The following CNOT6 variants were observed in gnomAD, a reference collection of about 807,000 sequenced individuals.
The protein encoded by CNOT6 is carbon catabolite repression 4 protein.
A neutral mutation model predicts 61.2 loss-of-function variants in CNOT6; 12 were observed. The observed-to-expected ratio is 0.20, with a 90% confidence interval of 0.13 to 0.32. The LOEUF (loss-of-function observed/expected upper bound fraction) is 0.32. Ranked by LOEUF, CNOT6 falls within the 10% of genes least tolerant of loss-of-function variation. The pLI, the probability that CNOT6 is intolerant of heterozygous loss-of-function variation, is 1.00. For missense variants in CNOT6, 405 were observed against 663.9 expected (o/e 0.61, Z 4.28); for synonymous variants, 225 against 240.6 (o/e 0.94, Z 0.60).
chr5:180,522,252 C>T (rs1458077924), intron 1 of CNOT6, among the ~76,000 whole-genome samples: 1 of 152,058 alleles, frequency 6.6e-6, no homozygotes, highest in African/African-American at 2.4e-5. Flanking sequence ...GCTGGGACCA[C>T]AGGTACATGC....
intron 9 of CNOT6, 77 bp downstream of exon 9, chr5:180,568,080 A>T (rs1760553022): frequency 1.0e-5 from 15 of 1,436,564 alleles, no homozygotes; most frequent in Non-Finnish European, 1.4e-5. Context: ...CAGAAATTTC[A>T]TTGTGTATTC....
Position 180,570,155 on chromosome 5 carries a change from C to T in CNOT6, c.1258+815C>T, listed in dbSNP as rs143596905. 2.2e-3 allele frequency among the ~76,000 whole-genome samples: 329 copies of T among 152,174 alleles called. 1 individual carries two copies. The Middle Eastern group carries it at 0.027, about 13-fold the overall frequency. On this transcript the variant is annotated intron_variant, in intron 10 of 11. Transcript: ENST00000261951. The stretch of plus-strand genomic sequence containing the variant: ...GGCAGATCAGTTGAGGCCAGCAGTT[C>T]GAGACCAACCTGGCCAACATGGTGA...
chr5:180,550,449 C>CA (rs952257091), intron 3 of CNOT6, among the ~76,000 whole-genome samples: 283 of 150,704 alleles, frequency 1.9e-3, no homozygotes, highest in African/African-American at 5.7e-3. Flanking sequence ...GAGTCCATCT[C>CA]AAAAAAAACA....
At chr5:180,542,982 A>T (rs757725864) in intron 2 of CNOT6, among the ~76,000 whole-genome samples, 1 of 152,208 alleles carries the variant, frequency 6.6e-6, no homozygotes, top group African/African-American at 2.4e-5. Flanking sequence ...TGGTAGAGAT[A>T]TATCTTTCTC....
intron 2 of CNOT6, among the ~76,000 whole-genome samples, chr5:180,539,502 A>G (rs1045273590): frequency 5.5e-5 from 8 of 144,360 alleles, no homozygotes; most frequent in Non-Finnish European, 1.2e-4. Flanking sequence ...TTTTATAGCA[A>G]CTTATTAAAA....
chr5:180,518,826 G>A (rs1042602947), intron 1 of CNOT6, among the ~76,000 whole-genome samples: 7 of 152,236 alleles, frequency 4.6e-5, no homozygotes, highest in Admixed American at 2.0e-4. Context: ...ATTTATAAAC[G>A]CGCTCTTTCT....
At chr5:180,552,460 T>C (rs1581546400) in intron 3 of CNOT6, among the ~76,000 whole-genome samples, 1 of 151,012 alleles carries the variant, frequency 6.6e-6, no homozygotes, top group Admixed American at 6.6e-5. Context: ...GCTAACACGG[T>C]GAAACCCCGT....
At chr5:180,526,420 A>G (rs966483565) in intron 1 of CNOT6, among the ~76,000 whole-genome samples, 8 of 152,194 alleles carry the variant, frequency 5.3e-5, no homozygotes, top group Admixed American at 1.3e-4. Context: ...CAAATGGCTT[A>G]CGTGCTAAGG....
chr5:180,508,414 C>T (rs777678301), intron 1 of CNOT6, among the ~76,000 whole-genome samples: 33 of 152,114 alleles, frequency 2.2e-4, no homozygotes, highest in Non-Finnish European at 4.1e-4. Flanking sequence ...TGGGCTCAAG[C>T]GATTCACCTG....
chr5:180,553,325 T>G, intron 3 of CNOT6, 61 bp from the exon 4 acceptor site: 1 of 1,156,190 alleles, frequency 8.6e-7, no homozygotes, highest in African/African-American at 1.5e-5. Context: ...ACTATGTTGT[T>G]GATTTTAACT....
chr5:180,501,596 T>A (rs1278228930), intron 1 of CNOT6, among the ~76,000 whole-genome samples: 3 of 152,202 alleles, frequency 2.0e-5, no homozygotes, highest in African/African-American at 7.2e-5. Flanking sequence ...TTCACCCTTT[T>A]GACAGAGGTA....
intron 1 of CNOT6, among the ~76,000 whole-genome samples, chr5:180,497,080 C>T (rs1387531362): frequency 6.6e-6 from 1 of 152,178 alleles, no homozygotes; most frequent in Non-Finnish European, 1.5e-5. Flanking sequence ...GTAATCCCAG[C>T]ACTTTCGGAG....
chr5:180,571,805 C>T (rs34916144), intron 11 of CNOT6, among the ~76,000 whole-genome samples: 25,434 of 152,120 alleles, frequency 0.17, 2,235 homozygotes, highest in Non-Finnish European at 0.19. Flanking sequence ...TCAAATGATT[C>T]TTCCACCTCA....
intron 2 of CNOT6, among the ~76,000 whole-genome samples, chr5:180,530,697 A>G: frequency 6.6e-6 from 1 of 152,008 alleles, no homozygotes; most frequent in South Asian, 2.1e-4. Context: ...TGGTTTTCCT[A>G]GGCAGAGGAC....
intron 1 of CNOT6, among the ~76,000 whole-genome samples, chr5:180,501,758 A>G (rs1198221890): frequency 6.6e-6 from 1 of 152,202 alleles, no homozygotes; most frequent in African/African-American, 2.4e-5. Context: ...GACAGCATTG[A>G]AATGGTTGAA....
chr5:180,525,828 C>T (rs11750412), intron 1 of CNOT6, among the ~76,000 whole-genome samples: 70,921 of 151,762 alleles, frequency 0.47, 17,576 homozygotes, highest in Non-Finnish European at 0.56. Flanking sequence ...TAGGCGGGGG[C>T]GATCATCTAT....
chr5:180,512,475 A>G (rs1333445670), intron 1 of CNOT6, among the ~76,000 whole-genome samples: 10 of 152,260 alleles, frequency 6.6e-5, no homozygotes, highest in Admixed American at 6.5e-4. Context: ...CGGAGTTTGA[A>G]TTCTTCTCAG....
rs564430533 is a variant in CNOT6, at chr5:180,538,909, C to T, written c.112+9521C>T. ...AAAAAAAATTGTCTGGGTACGGTAGCTTACGCCTATAATCCCAACACTTTG... is the reference window on the plus strand; with the variant it reads ...AAAAAAAATTGTCTGGGTACGGTAGTTTACGCCTATAATCCCAACACTTTG... On this transcript the variant is annotated intron_variant, in intron 2 of 11. Coordinates refer to ENST00000261951, the MANE Select transcript of CNOT6 (RefSeq NM_001370472.1). 3.2e-4 allele frequency among the ~76,000 whole-genome samples: 48 copies of T among 151,522 alleles called. 1 individual carries two copies. Among genetic ancestry groups the T allele is most frequent in the African/African-American group, 1.1e-3 (47 of 41,308 alleles).
chr5:180,552,594 C>T lies in CNOT6; in HGVS notation c.300-792C>T, dbSNP rs111310147. On this transcript the variant is annotated intron_variant, in intron 3 of 11. Transcript: ENST00000261951. ...CCGGGAGGCGGAGCTTGCAGTGAGC[C>T]GAGATCGCATCACTGCACTCCAGCC... is the stretch of plus-strand genomic sequence containing the variant. 6.7e-4 allele frequency among the ~76,000 whole-genome samples: 100 copies of T among 150,228 alleles called. No individual in the cohort carries two copies. In the Middle Eastern group the frequency reaches 0.021, roughly 31 times the overall value.
Sources: gnomAD v4.1 joint callset for allele counts (sites outside exome capture counted in the v4.1 genomes callset) on GRCh38, gnomAD v4.1.1 for gene constraint, MANE v1.5 for transcripts, NCBI Gene and HGNC (gene_info 2026-07-23, HGNC 2026-07-21) for gene names.